RBFOX1: variants seen among roughly 807,000 people sequenced by gnomAD.
The protein encoded by RBFOX1 is RNA binding protein fox-1 homolog 1.
A neutral mutation model predicts 57.7 loss-of-function variants in RBFOX1; 8 were observed. The ratio of observed to expected loss-of-function variants is 0.14; its 90% confidence interval spans 0.08 to 0.25. The LOEUF (loss-of-function observed/expected upper bound fraction) is 0.25, where lower values mean the gene tolerates loss of function less well. RBFOX1 is among the 10% of genes least tolerant of loss of function. The probability of loss-of-function intolerance (pLI) is 1.00; values close to 1 mark genes in which losing one functional copy is unlikely to be tolerated. For missense variants in RBFOX1, 611 were observed against 548.5 expected (o/e 1.11, Z -1.14); for synonymous variants, 326 against 222.4 (o/e 1.47, Z -4.15).
chr16:6,650,536 T>G (rs533323543), intron 2 of RBFOX1, among the ~76,000 whole-genome samples: 62 of 152,336 alleles, frequency 4.1e-4, no homozygotes, highest in African/African-American at 1.5e-3. Flanking sequence ...ATACCCACTT[T>G]GTCGAATGTT....
chr16:5,911,323 A>G (rs1252496829), intron 4 of RBFOX1, among the ~76,000 whole-genome samples: 1 of 152,114 alleles, frequency 6.6e-6, no homozygotes, highest in East Asian at 1.9e-4. Context: ...TTCACTGGAT[A>G]CTTGTGGAAG....
At chr16:6,768,425 A>G (rs536836787) in intron 3 of RBFOX1, among the ~76,000 whole-genome samples, 3 of 152,168 alleles carry the variant, frequency 2.0e-5, no homozygotes, top group South Asian at 2.1e-4. Context: ...AATCAAACAT[A>G]TAAGAGTGCA....
At chr16:6,133,876 C>T (rs183020231) in intron 1 of RBFOX1, among the ~76,000 whole-genome samples, 157 of 152,186 alleles carry the variant, frequency 1.0e-3, no homozygotes, top group African/African-American at 3.7e-3. Context: ...TTCTAAATTA[C>T]TGTTTAGACC....
Position 7,543,940 on chromosome 16 carries a change from C to G in RBFOX1, c.270+25551C>G, listed in dbSNP as rs9928661. On this transcript the variant is annotated intron_variant, in intron 5 of 15. Coordinates refer to ENST00000550418, the MANE Select transcript of RBFOX1 (RefSeq NM_018723.4). ...TTCACCATGTTGGCCAGGATGGTCT[C>G]GATCTCCTAACTTCATGACCCACCT... 3.2e-4 allele frequency among the ~76,000 whole-genome samples: 48 copies of G among 152,160 alleles called. No individual in the cohort carries two copies. The East Asian group carries it at 8.9e-3, about 28-fold the overall frequency.
In RBFOX1 at chr16:7,451,295, G is replaced by C. The variant is rs183138318; in HGVS notation, c.28-66852G>C. Among the ~76,000 whole-genome samples the C allele has an allele frequency of 9.7e-4, 147 of 152,276 alleles. 2 individuals carry two copies. Among genetic ancestry groups the C allele is most frequent in the Admixed American group, 6.7e-3 (102 of 15,300 alleles). On this transcript the variant is annotated intron_variant, in intron 4 of 15. Coordinates refer to ENST00000550418, the MANE Select transcript of RBFOX1 (RefSeq NM_018723.4). ...ACTTATTCTGTGCAAATTCTGCAAG[G>C]GATGTCTTGAACGGATGGTTCTTTC...
intron 2 of RBFOX1, among the ~76,000 whole-genome samples, chr16:5,563,302 C>G (rs538058894): frequency 5.3e-5 from 8 of 152,182 alleles, no homozygotes; most frequent in Non-Finnish European, 1.2e-4. Context: ...TTTCCATTTC[C>G]ATTTCACTGA....
chr16:6,954,363 C>T lies in RBFOX1; in HGVS notation c.-15-97694C>T, dbSNP rs79057765. Among the ~76,000 whole-genome samples, 315 of 152,176 alleles carry T rather than the reference C, an allele frequency of 2.1e-3. 1 individual carries two copies. The highest frequency in any genetic ancestry group is 6.6e-3 in the African/African-American group (276 of 41,508). On this transcript the variant is annotated intron_variant, in intron 3 of 15. Coordinates refer to ENST00000550418, the MANE Select transcript of RBFOX1 (RefSeq NM_018723.4). ...ATTTATAGTTACAATAACGGTCTTC[C>T]ATCCATTAGTAGTTCCGGCATGCAT...
chr16:7,415,247 C>T (rs573454931), intron 4 of RBFOX1, among the ~76,000 whole-genome samples: 3 of 152,174 alleles, frequency 2.0e-5, no homozygotes, highest in Non-Finnish European at 2.9e-5. Flanking sequence ...AAGGTTTTCT[C>T]AGATGATGCA....
At chr16:7,510,631 G>C (rs1165615324) in intron 4 of RBFOX1, among the ~76,000 whole-genome samples, 1 of 152,156 alleles carries the variant, frequency 6.6e-6, no homozygotes, top group African/African-American at 2.4e-5. Context: ...ATGCCCCTAG[G>C]GCATGATGCA....
chr16:5,529,389 CTTTTTTT>C (rs56820577), intron 2 of RBFOX1, among the ~76,000 whole-genome samples: 1 of 130,924 alleles, frequency 7.6e-6, no homozygotes, highest in Non-Finnish European at 1.7e-5. Context: ...TGGCCAGTGT[CTTTTTTT>C]TTTTTTTTTT....
intron 1 of RBFOX1, among the ~76,000 whole-genome samples, chr16:6,232,420 A>G (rs963342939): frequency 3.3e-5 from 5 of 152,164 alleles, no homozygotes; most frequent in African/African-American, 1.2e-4. Context: ...TGAGAGTAGA[A>G]TGTTTCAGCA....
chr16:6,452,666 G>A (rs1400853099), intron 2 of RBFOX1, among the ~76,000 whole-genome samples: 1 of 152,192 alleles, frequency 6.6e-6, no homozygotes, highest in Non-Finnish European at 1.5e-5. Context: ...GGATTGATGG[G>A]AGCTGCCATA....
chr16:5,306,141 C>A (rs1032615600), intron 1 of RBFOX1, among the ~76,000 whole-genome samples: 5 of 152,082 alleles, frequency 3.3e-5, no homozygotes, highest in African/African-American at 4.8e-5. Context: ...GTTGAGGCTG[C>A]GATGAGCCAA....
At chr16:6,847,704 G>C (rs1201718655) in intron 3 of RBFOX1, among the ~76,000 whole-genome samples, 1 of 152,110 alleles carries the variant, frequency 6.6e-6, no homozygotes, top group Non-Finnish European at 1.5e-5. Context: ...GTGATCGTCA[G>C]GATTAGAGCA....
intron 1 of RBFOX1, among the ~76,000 whole-genome samples, chr16:6,239,335 G>C (rs2097527360): frequency 6.6e-6 from 1 of 151,956 alleles, no homozygotes; most frequent in South Asian, 2.1e-4. Context: ...TGTCCGAAGG[G>C]ACCACAGTGT....
At position 5,424,870 on chromosome 16, in the gene RBFOX1, CT is replaced by C. The variant is rs1204007994; in HGVS notation, c.220-42338del. ...CTTTCTCTCTCTCTCTTCTTTCTTT[CT>C]TTTTTTTCTTTCTTTCTTTCTTTCT... On this transcript the variant is annotated intron_variant, in intron 1 of 2. Coordinates refer to the RBFOX1 transcript ENST00000585867. 7.8e-4 allele frequency among the ~76,000 whole-genome samples: 97 copies of C among 125,028 alleles called. 3 individuals carry two copies. The highest frequency in any genetic ancestry group is 2.9e-3 in the African/African-American group (86 of 29,754). 82.0% of individuals were successfully genotyped at this position (125,028 alleles called of 152,430 possible).
At chr16:6,995,602 A>G (rs973961632) in intron 3 of RBFOX1, among the ~76,000 whole-genome samples, 1 of 152,062 alleles carries the variant, frequency 6.6e-6, no homozygotes, top group African/African-American at 2.4e-5. Context: ...TCTACTAAAC[A>G]TACAAAAATT....
At position 6,671,906 on chromosome 16, in the gene RBFOX1, C is replaced by G. The variant is rs76067799; in HGVS notation, c.-16+17256C>G. Among the ~76,000 whole-genome samples the G allele has an allele frequency of 4.6e-3, 701 of 152,274 alleles. 9 individuals are homozygous for G. Among genetic ancestry groups the G allele is most frequent in the African/African-American group, 0.016 (678 of 41,560 alleles). The stretch of plus-strand genomic sequence containing the variant: ...TACATTCACACTGCCTTTTCACACG[C>G]CAAGTTGCCTTTAAAAACTGTTGCG... On this transcript the variant is annotated intron_variant, in intron 3 of 15. Transcript: ENST00000550418.
At chr16:7,700,291 A>G (rs1379279342) in intron 14 of RBFOX1, among the ~76,000 whole-genome samples, 6 of 152,152 alleles carry the variant, frequency 3.9e-5, no homozygotes, top group African/African-American at 7.2e-5. Context: ...ACTAGTAATC[A>G]TAACCCTCCT....
Sources: gnomAD v4.1 joint callset for allele counts (sites outside exome capture counted in the v4.1 genomes callset) on GRCh38, gnomAD v4.1.1 for gene constraint, MANE v1.5 for transcripts, NCBI Gene and HGNC (gene_info 2026-07-23, HGNC 2026-07-21) for gene names.